The following TNFSF4 variants were observed in gnomAD, a reference collection of about 807,000 sequenced individuals.
TNFSF4 encodes TNF superfamily member 4, also known as tumor necrosis factor ligand superfamily member 4.
TNFSF4 carries 4 observed loss-of-function variants against 7.3 expected under a neutral mutation model. The ratio of observed to expected loss-of-function variants is 0.55; its 90% CI spans 0.27 to 1.25. TNFSF4 has a LOEUF of 1.25. Ranked by LOEUF, TNFSF4 falls within the 50% of genes most tolerant of loss-of-function variation. The pLI, the probability that TNFSF4 is intolerant of heterozygous loss-of-function variation, is 0.12. For missense variants in TNFSF4, 181 were observed against 208.8 expected, an observed-to-expected ratio of 0.87 and a Z score of 0.82; for synonymous variants, 76 against 83.7, an observed-to-expected ratio of 0.91 and a Z score of 0.50.
the TNFSF4 span, among the ~76,000 whole-genome samples, chr1:173,361,614 C>T: frequency 1.3e-5 from 2 of 152,050 alleles, no homozygotes; most frequent in African/African-American, 4.8e-5. Flanking sequence ...AAAAAGAATG[C>T]ATAGGTAACA....
the TNFSF4 span, among the ~76,000 whole-genome samples, chr1:173,359,432 G>A: frequency 7.3e-6 from 1 of 136,308 alleles, no homozygotes; most frequent in African/African-American, 2.8e-5. Flanking sequence ...ATGCCAGTCA[G>A]AGTCTAAGAG....
chr1:173,378,931 G>A, the TNFSF4 span, among the ~76,000 whole-genome samples: 2 of 151,632 alleles, frequency 1.3e-5, no homozygotes, highest in South Asian at 2.1e-4. Context: ...AGGGGGAGGG[G>A]AATTTGGCCC....
chr1:173,226,728 C>G, the TNFSF4 span, among the ~76,000 whole-genome samples: 2 of 152,172 alleles, frequency 1.3e-5, no homozygotes, highest in African/African-American at 4.8e-5. Flanking sequence ...CTAATTCACT[C>G]TTCTTCAGCT....
At chr1:173,348,069 G>A in the TNFSF4 span, among the ~76,000 whole-genome samples, 2 of 152,204 alleles carry the variant, frequency 1.3e-5, no homozygotes, top group African/African-American at 2.4e-5. Context: ...TTAGAAGAAA[G>A]CAGAGCTTGA....
At chr1:173,364,021 A>T in the TNFSF4 span, among the ~76,000 whole-genome samples, 1 of 152,196 alleles carries the variant, frequency 6.6e-6, no homozygotes, top group Admixed American at 6.5e-5. Flanking sequence ...AGATATTTTT[A>T]AACCCAAAGC....
the TNFSF4 span, among the ~76,000 whole-genome samples, chr1:173,259,597 A>G: frequency 6.6e-6 from 1 of 152,234 alleles, no homozygotes; most frequent in African/African-American, 2.4e-5. Context: ...AAGATTCATG[A>G]TAAAACAATA....
chr1:173,399,596 C>G, the TNFSF4 span, among the ~76,000 whole-genome samples: 59 of 151,650 alleles, frequency 3.9e-4, no homozygotes, highest in African/African-American at 1.4e-3. Flanking sequence ...GTGAACAGAC[C>G]TCTCTGTATG....
the TNFSF4 span, among the ~76,000 whole-genome samples, chr1:173,313,693 T>C: frequency 1.3e-5 from 2 of 152,216 alleles, no homozygotes; most frequent in African/African-American, 4.8e-5. Flanking sequence ...AGACTATCGA[T>C]AGTTCTCTTA....
At chr1:173,218,644 C>T in the TNFSF4 span, among the ~76,000 whole-genome samples, 1 of 151,970 alleles carries the variant, frequency 6.6e-6, no homozygotes, top group Admixed American at 6.6e-5. Context: ...TACATTACAT[C>T]GAAGCTCCTC....
the TNFSF4 span, among the ~76,000 whole-genome samples, chr1:173,319,866 A>T: frequency 6.6e-6 from 1 of 152,204 alleles, no homozygotes; most frequent in African/African-American, 2.4e-5. Flanking sequence ...AACCTCAAAG[A>T]TCAAAGGTAG....
At chr1:173,190,386 G>A (rs1649424861) in intron 1 of TNFSF4, among the ~76,000 whole-genome samples, 1 of 152,150 alleles carries the variant, frequency 6.6e-6, no homozygotes, top group South Asian at 2.1e-4. Flanking sequence ...ATTGGCACCT[G>A]CCCACACAGA....
chr1:173,334,607 A>G, the TNFSF4 span, among the ~76,000 whole-genome samples: 1 of 152,326 alleles, frequency 6.6e-6, no homozygotes, highest in South Asian at 2.1e-4. Flanking sequence ...TACTGTTAAA[A>G]TGATTAGGAA....
At chr1:173,354,892 C>T in the TNFSF4 span, among the ~76,000 whole-genome samples, 1 of 152,190 alleles carries the variant, frequency 6.6e-6, no homozygotes, top group East Asian at 1.9e-4. Context: ...ACTGTATTAG[C>T]TTCCTATTGC....
At chr1:173,317,658 CA>C in the TNFSF4 span, among the ~76,000 whole-genome samples, 1 of 151,894 alleles carries the variant, frequency 6.6e-6, no homozygotes, top group Non-Finnish European at 1.5e-5. Flanking sequence ...AAAACCATAC[CA>C]AAAAAGCCCT....
chr1:173,312,444 T>C, the TNFSF4 span, among the ~76,000 whole-genome samples: 1 of 152,106 alleles, frequency 6.6e-6, no homozygotes, highest in South Asian at 2.1e-4. Flanking sequence ...TCTCTTTTTA[T>C]TGATCAATGT....
At chr1:173,318,301 G>A in the TNFSF4 span, among the ~76,000 whole-genome samples, 3 of 141,574 alleles carry the variant, frequency 2.1e-5, no homozygotes, top group East Asian at 2.0e-4. Flanking sequence ...TTAGCCGGAC[G>A]TGGTGGCAGG....
At chr1:173,204,874 G>A (rs898080408) in intron 1 of TNFSF4, among the ~76,000 whole-genome samples, 2 of 149,428 alleles carry the variant, frequency 1.3e-5, no homozygotes, top group Non-Finnish European at 3.0e-5. Flanking sequence ...CTCTGTCTCT[G>A]TTTCTCTCTC....
chr1:173,355,509 G>A, the TNFSF4 span, among the ~76,000 whole-genome samples: 1 of 152,154 alleles, frequency 6.6e-6, no homozygotes, highest in Non-Finnish European at 1.5e-5. Context: ...CTGGCTAGAA[G>A]GGAGTTTCTC....
At chr1:173,431,790 C>T in the TNFSF4 span, among the ~76,000 whole-genome samples, 1 of 152,156 alleles carries the variant, frequency 6.6e-6, no homozygotes, top group Non-Finnish European at 1.5e-5. Flanking sequence ...TGTTGGATTT[C>T]GATCTTGGCC....
Sources: allele counts gnomAD v4.1 joint callset (sites outside exome capture counted in the v4.1 genomes callset), GRCh38; gene constraint gnomAD v4.1.1; transcripts MANE v1.5; gene names NCBI Gene and HGNC (gene_info 2026-07-23, HGNC 2026-07-21).